ARHGEF11: variants seen among roughly 807,000 people sequenced by gnomAD.
ARHGEF11 encodes Rho guanine nucleotide exchange factor 11, also known as Rho guanine exchange factor (GEF) 11.
In ARHGEF11, 55 loss-of-function variants were observed where a neutral mutation model predicts 193.7. That is an observed-to-expected ratio of 0.28 (90% CI 0.23 to 0.36). The LOEUF is 0.36. Ranked by LOEUF, ARHGEF11 falls within the 10% of genes least tolerant of loss-of-function variation. The probability of loss-of-function intolerance (pLI) is 1.00; values close to 1 mark genes in which losing one functional copy is unlikely to be tolerated. For missense variants in ARHGEF11, 1,723 were observed against 2,005.6 expected (o/e 0.86, Z 2.69); for synonymous variants, 693 against 768.0 (o/e 0.90, Z 1.62).
chr1:156,955,827 G>T, intron 19 of ARHGEF11, 28 bp from the exon 20 acceptor site: 1 of 1,575,424 alleles, frequency 6.3e-7, no homozygotes, highest in Non-Finnish European at 8.7e-7. Context: ...ACTGGTGTTT[G>T]CAGGAGGTCC....
chr1:156,936,055 G>C lies in ARHGEF11; in HGVS notation c.4634C>G (p.Ser1545Cys), dbSNP rs148989479. 1.4e-4 allele frequency: 229 copies of C among 1,613,974 alleles called. 1 individual carries two copies. Among genetic ancestry groups the C allele is most frequent in the Middle Eastern group, 9.9e-4 (6 of 6,084 alleles). Residue 1545 changes from serine (S) to cysteine (C), a missense_variant, in exon 41 of 41, where the codon TCT becomes TGT. By Grantham distance (112) the Ser-to-Cys change is moderately radical (BLOSUM62 -1). Coordinates refer to ENST00000368194, the MANE Select transcript of ARHGEF11 (RefSeq NM_198236.3). The stretch of plus-strand genomic sequence containing the variant: ...TGTGCTGTCTTCCAGGGGGGCGTCA[G>C]AGCCTGTGGGAGGAGGATGAAGGTG... ...HELGPCPEDGSDAPLEDSTAD... is the reference protein window; with the variant it reads ...HELGPCPEDGCDAPLEDSTAD...
intron 1 of ARHGEF11, among the ~76,000 whole-genome samples, chr1:156,993,597 C>T (rs1557919356): frequency 6.6e-6 from 1 of 152,138 alleles, no homozygotes; most frequent in African/African-American, 2.4e-5. Context: ...GACCTTAGCT[C>T]CAGATAAAGT....
chr1:156,976,835 T>C (rs1444379741), intron 7 of ARHGEF11, 148 bp downstream of exon 7: 3 of 683,208 alleles, frequency 4.4e-6, no homozygotes, highest in Non-Finnish European at 2.5e-6. Context: ...CCAATGACAA[T>C]TCTTTAGTGG....
intron 1 of ARHGEF11, 54 bp downstream of exon 1, chr1:157,044,245 C>T: frequency 6.5e-7 from 1 of 1,545,930 alleles, no homozygotes; most frequent in Non-Finnish European, 8.9e-7. Context: ...AACACCACCC[C>T]TCCCAGTCTT....
At chr1:157,003,707 G>A (rs1427883668) in intron 1 of ARHGEF11, among the ~76,000 whole-genome samples, 2 of 152,196 alleles carry the variant, frequency 1.3e-5, no homozygotes, top group Non-Finnish European at 2.9e-5. Flanking sequence ...ACACAAGCGA[G>A]TAAAATGCAG....
At chr1:156,957,655 A>G (rs1660159163) in intron 18 of ARHGEF11, 137 bp downstream of exon 18, 1 of 937,222 alleles carries the variant, frequency 1.1e-6, no homozygotes, top group African/African-American at 1.6e-5. Context: ...TGAGTGCTAG[A>G]CTTTCAGGAA....
chr1:156,946,947 T>C lies in ARHGEF11; in HGVS notation c.2557A>G (p.Met853Val), dbSNP rs774681732. The C allele has an allele frequency of 6.2e-7, 1 of 1,614,002 alleles. No individual in the cohort carries two copies. The highest frequency in any genetic ancestry group is 8.5e-7 in the Non-Finnish European group (1 of 1,180,014). The change falls in exon 27 of 41, where the codon ATG becomes GTG. Residue 853 changes from methionine (M) to valine (V), a missense_variant. Transcript: ENST00000368194. ...GPIIKEISDL[M>V]LARFDGPARE... ...GTTTGGAGCCATACCCGGGCCAGCATGAGGTCACTGATCTCTTTGATGATG... is the reference window on the plus strand; with the variant it reads ...GTTTGGAGCCATACCCGGGCCAGCACGAGGTCACTGATCTCTTTGATGATG...
At position 157,026,693 on chromosome 1, in the gene ARHGEF11, C is replaced by A. The variant is rs146621176; in HGVS notation, c.32+17606G>T. ...GCTATGTGATTTCAAGTACCAACTCCCGTGAGCCTCAGCTTTCTCACTATT... is the reference window on the plus strand; with the variant it reads ...GCTATGTGATTTCAAGTACCAACTCACGTGAGCCTCAGCTTTCTCACTATT... On this transcript the variant is annotated intron_variant, in intron 1 of 40. Transcript: ENST00000368194. 1.2e-4 allele frequency among the ~76,000 whole-genome samples: 18 copies of A among 152,300 alleles called. No individual in the cohort carries two copies. The East Asian group carries it at 3.5e-3, about 29-fold the overall frequency.
chr1:157,021,394 C>G (rs1240526058), intron 1 of ARHGEF11, among the ~76,000 whole-genome samples: 2 of 152,078 alleles, frequency 1.3e-5, no homozygotes, highest in Non-Finnish European at 2.9e-5. Context: ...AAAAAAGAGA[C>G]AATGACAAGG....
chr1:156,998,876 A>G (rs1026998879), intron 1 of ARHGEF11, among the ~76,000 whole-genome samples: 1 of 152,266 alleles, frequency 6.6e-6, no homozygotes, highest in African/African-American at 2.4e-5. Flanking sequence ...ATCAAGAGGA[A>G]GCCAGGAGAC....
Position 156,944,343 on chromosome 1 carries a change from T to A in ARHGEF11, c.3067+15A>T. ...ACTACAGGTTCCTGCTCAGTCCCAG[T>A]CCCCTGGCACATACCCAAGGTCTTA... On this transcript the variant is annotated intron_variant, in intron 31 of 40. Coordinates refer to ENST00000368194, the MANE Select transcript of ARHGEF11 (RefSeq NM_198236.3). 1 of 1,613,358 alleles carries A rather than the reference T, an allele frequency of 6.2e-7. No homozygotes were observed. Among genetic ancestry groups the A allele is most frequent in the South Asian group, 1.1e-5 (1 of 91,052 alleles).
intron 17 of ARHGEF11, 119 bp from the exon 18 acceptor site, chr1:156,957,934 G>A (rs1366338111): frequency 2.2e-6 from 2 of 902,038 alleles, no homozygotes; most frequent in Admixed American, 1.8e-5. Flanking sequence ...GGGGGAAAAG[G>A]AGAGAAGTAC....
chr1:157,025,273 T>C (rs553625644), intron 1 of ARHGEF11, among the ~76,000 whole-genome samples: 19 of 152,340 alleles, frequency 1.2e-4, no homozygotes, highest in African/African-American at 3.6e-4. Flanking sequence ...CTTTTGCAGG[T>C]GCCTTTCCAA....
At chr1:156,968,198 G>A in intron 10 of ARHGEF11, 74 bp from the exon 11 acceptor site, 1 of 1,522,474 alleles carries the variant, frequency 6.6e-7, no homozygotes. Flanking sequence ...TTTGGTGTTG[G>A]TGGTGATAAC....
chr1:156,963,295 T>C lies in ARHGEF11; in HGVS notation c.1048A>G (p.Ile350Val), dbSNP rs770684914. Residue 350 changes from isoleucine to valine, a missense_variant, in exon 13 of 41, where the codon ATA becomes GTA. Physicochemically the swap from Ile to Val is conservative, Grantham distance 29 (BLOSUM62 3). Transcript: ENST00000368194. Reference protein sequence around the residue: ...PGYFNNESDIIFQDLEKLKSR... With the variant: ...PGYFNNESDIVFQDLEKLKSR... ...TTCAGTTTCTCCAGATCCTGGAATA[T>C]GATGTCGCTCTGGAAGGCAGAAGGA... 21 of 1,613,830 alleles carry C rather than the reference T, an allele frequency of 1.3e-5. No individual in the cohort carries two copies. In the South Asian group the frequency reaches 2.0e-4, roughly 15 times the overall value.
At chr1:156,969,933 G>C in intron 9 of ARHGEF11, 65 bp downstream of exon 9, 2 of 1,532,260 alleles carry the variant, frequency 1.3e-6, no homozygotes, top group South Asian at 2.2e-5. Context: ...CCATGGGGAG[G>C]GTAAACAGGT....
chr1:156,938,321 G>GT, intron 38 of ARHGEF11, 97 bp downstream of exon 38: 1 of 1,108,788 alleles, frequency 9.0e-7, no homozygotes, highest in Non-Finnish European at 1.3e-6. Context: ...GGAGCTTGTG[G>GT]GTGTGTGTGT....
At chr1:157,004,280 G>A (rs1289956422) in intron 1 of ARHGEF11, among the ~76,000 whole-genome samples, 3 of 152,064 alleles carry the variant, frequency 2.0e-5, no homozygotes, top group Admixed American at 6.5e-5. Context: ...TATCCTAATC[G>A]CTCCTTTTGA....
intron 1 of ARHGEF11, among the ~76,000 whole-genome samples, chr1:157,038,437 T>G (rs911439079): frequency 6.6e-6 from 1 of 152,224 alleles, no homozygotes; most frequent in Non-Finnish European, 1.5e-5. Flanking sequence ...ACTAGTGACT[T>G]TAAGGCCTAC....
Sources: gnomAD v4.1 joint callset for allele counts (sites outside exome capture counted in the v4.1 genomes callset) on GRCh38, gnomAD v4.1.1 for gene constraint, MANE v1.5 for transcripts, NCBI Gene and HGNC (gene_info 2026-07-23, HGNC 2026-07-21) for gene names.